Variants in PSD3 observed in about 807,000 individuals in gnomAD.
PSD3 encodes the protein PH and SEC7 domain-containing protein 3.
A neutral mutation model predicts 105.5 loss-of-function variants in PSD3; 49 were observed. That is an observed-to-expected ratio of 0.46 (90% CI 0.37 to 0.59). The LOEUF is 0.59. Ranked by LOEUF, PSD3 falls within the 20% of genes least tolerant of loss-of-function variation. The pLI, the probability that PSD3 is intolerant of heterozygous loss-of-function variation, is 0.00. For synonymous variants in PSD3, 557 were observed against 457.8 expected, an observed-to-expected ratio of 1.22 and a Z score of -2.77; for missense variants, 1,561 against 1,263.8, an observed-to-expected ratio of 1.24 and a Z score of -3.57.
rs879786726 is a variant in PSD3 at position 18,993,616 on chromosome 8, A to AGAGC, written c.21+19946_21+19947insGCTC. ...TACTATTTCATGAGTATTAGAGCTT[A>AGAGC]TCCCCCCAATTCAGTTGTATGCTTT... On this transcript the variant is annotated intron_variant, in intron 1 of 15. Coordinates refer to ENST00000327040, the MANE Select transcript of PSD3 (RefSeq NM_015310.4). 9.1e-4 allele frequency among the ~76,000 whole-genome samples: 138 copies of AGAGC among 152,134 alleles called. 3 individuals carry two copies. Among genetic ancestry groups the AGAGC allele is most frequent in the Middle Eastern group, 3.4e-3 (1 of 292 alleles).
In PSD3 at chr8:18,561,565, G is replaced by A. The variant is rs373068409; in HGVS notation, c.2785-5213C>T. Among the ~76,000 whole-genome samples the A allele has an allele frequency of 2.6e-5, 4 of 152,210 alleles. No individual in the cohort carries two copies. The East Asian group carries it at 5.8e-4, about 22-fold the overall frequency. On this transcript the variant is annotated intron_variant, in intron 14 of 15. Coordinates refer to ENST00000327040, the MANE Select transcript of PSD3 (RefSeq NM_015310.4). ...CATGATGGCTAGAGTTCATAATAAT[G>A]CACTGTGTATTTCAAACTTGCTCAA... is the stretch of plus-strand genomic sequence containing the variant.
At chr8:18,751,029 G>A (rs1805441183) in intron 9 of PSD3, among the ~76,000 whole-genome samples, 1 of 152,166 alleles carries the variant, frequency 6.6e-6, no homozygotes, top group African/African-American at 2.4e-5. Flanking sequence ...TGCCAGTCCT[G>A]CGCGATGCGC....
intron 4 of PSD3, 68 bp downstream of exon 4, chr8:18,867,606 T>A: frequency 6.6e-7 from 1 of 1,510,776 alleles, no homozygotes; most frequent in Non-Finnish European, 8.9e-7. Flanking sequence ...TATTCCACAC[T>A]CAGATTTCCC....
At chr8:18,710,524 A>G (rs1319037512) in intron 9 of PSD3, among the ~76,000 whole-genome samples, 1 of 152,002 alleles carries the variant, frequency 6.6e-6, no homozygotes, top group Non-Finnish European at 1.5e-5. Flanking sequence ...GAGAAGAACA[A>G]CTCTAAGATA....
At chr8:18,656,976 G>T (rs1028202918) in intron 9 of PSD3, among the ~76,000 whole-genome samples, 3 of 152,142 alleles carry the variant, frequency 2.0e-5, no homozygotes, top group Admixed American at 6.5e-5. Flanking sequence ...TTTAACAAAA[G>T]AACGGTATGC....
intron 1 of PSD3, among the ~76,000 whole-genome samples, chr8:18,958,743 T>C (rs1473213361): frequency 6.6e-6 from 1 of 152,188 alleles, no homozygotes; most frequent in Non-Finnish European, 1.5e-5. Flanking sequence ...ATGCAATAAA[T>C]GTGAATGTCA....
chr8:19,042,919 C>A (rs1431342231), intron 1 of PSD3, among the ~76,000 whole-genome samples: 1 of 152,228 alleles, frequency 6.6e-6, no homozygotes, highest in East Asian at 1.9e-4. Context: ...GTTATAAAAT[C>A]AAAAAGATTA....
chr8:18,853,705 A>G (rs915356468), intron 4 of PSD3, among the ~76,000 whole-genome samples: 4 of 152,204 alleles, frequency 2.6e-5, no homozygotes, highest in Non-Finnish European at 5.9e-5. Context: ...AGCCTTGTGC[A>G]GTAGTCATTA....
At chr8:18,769,680 T>A (rs1200095690) in intron 8 of PSD3, among the ~76,000 whole-genome samples, 1 of 152,214 alleles carries the variant, frequency 6.6e-6, no homozygotes, top group Admixed American at 6.5e-5. Flanking sequence ...AAATCTGCAT[T>A]TTCTTTATAC....
chr8:19,084,174 T>G (rs763632853), intron 1 of PSD3: 7 of 418,058 alleles, frequency 1.7e-5, no homozygotes, highest in Non-Finnish European at 3.4e-5. Context: ...CTCCCTTTCT[T>G]CTGCTGGGAT....
intron 4 of PSD3, among the ~76,000 whole-genome samples, chr8:18,821,176 C>T (rs1345237248): frequency 6.8e-6 from 1 of 147,462 alleles, no homozygotes; most frequent in Non-Finnish European, 1.5e-5. Context: ...TTTTGAAATT[C>T]TTTTTTTTTT....
chr8:18,833,974 G>C lies in PSD3; in HGVS notation c.1635-29076C>G, dbSNP rs1270223551. Among the ~76,000 whole-genome samples the C allele has an allele frequency of 1.2e-4, 18 of 151,998 alleles. 1 individual carries two copies. The South Asian group carries it at 3.1e-3, about 26-fold the overall frequency. Reference sequence around the variant, plus strand: ...ACATAACTGAAAAAAATTCTACCAAGAATAAAATTTATGAAGTAGCTAGGA... The same window carrying C: ...ACATAACTGAAAAAAATTCTACCAACAATAAAATTTATGAAGTAGCTAGGA... On this transcript the variant is annotated intron_variant, in intron 4 of 15. Coordinates refer to ENST00000327040, the MANE Select transcript of PSD3 (RefSeq NM_015310.4).
intron 2 of PSD3, among the ~76,000 whole-genome samples, chr8:18,878,907 T>C (rs1817905109): frequency 6.6e-6 from 1 of 152,144 alleles, no homozygotes; most frequent in Admixed American, 6.5e-5. Flanking sequence ...TGAAGCTGTA[T>C]TTATAAACTG....
intron 1 of PSD3, among the ~76,000 whole-genome samples, chr8:19,077,525 A>G (rs949679627): frequency 2.6e-5 from 4 of 152,166 alleles, no homozygotes; most frequent in African/African-American, 9.7e-5. Context: ...CGTCAACTCC[A>G]TGTAGCCGTC....
chr8:18,720,142 C>T (rs545507392), intron 9 of PSD3, among the ~76,000 whole-genome samples: 1 of 152,164 alleles, frequency 6.6e-6, no homozygotes, highest in South Asian at 2.1e-4. Context: ...AGAAAATCTG[C>T]AGATATTCCC....
chr8:19,022,066 G>T (rs1417158452), intron 1 of PSD3, among the ~76,000 whole-genome samples: 1 of 152,162 alleles, frequency 6.6e-6, no homozygotes, highest in Non-Finnish European at 1.5e-5. Flanking sequence ...GCAGGGACAG[G>T]CATGTCACAT....
chr8:18,973,001 G>A (rs906212297), intron 1 of PSD3, among the ~76,000 whole-genome samples: 6 of 152,122 alleles, frequency 3.9e-5, no homozygotes, highest in African/African-American at 9.7e-5. Context: ...ACAAAACTTC[G>A]AATTTGGACA....
At chr8:18,898,337 G>C (rs1411926122) in intron 2 of PSD3, among the ~76,000 whole-genome samples, 2 of 152,100 alleles carry the variant, frequency 1.3e-5, no homozygotes, top group Non-Finnish European at 2.9e-5. Flanking sequence ...AATTGATCCT[G>C]TTATCACTGT....
At chr8:18,550,355 T>A (rs911096043) in intron 15 of PSD3, among the ~76,000 whole-genome samples, 1 of 152,208 alleles carries the variant, frequency 6.6e-6, no homozygotes, top group Admixed American at 6.5e-5. Context: ...TAATACAAAA[T>A]GCAATTCCAA....
Sources: gnomAD v4.1 joint callset for allele counts (sites outside exome capture counted in the v4.1 genomes callset) on GRCh38, gnomAD v4.1.1 for gene constraint, MANE v1.5 for transcripts, NCBI Gene and HGNC (gene_info 2026-07-23, HGNC 2026-07-21) for gene names.